TMPRSS11D: variants seen among roughly 807,000 people sequenced by gnomAD.
TMPRSS11D encodes the protein transmembrane protease serine 11D.
Under a neutral mutation model 44.4 loss-of-function variants are expected in TMPRSS11D, and 32 were observed. The observed-to-expected ratio is 0.72, with a 90% CI of 0.54 to 0.97. The LOEUF (loss-of-function observed/expected upper bound fraction) is 0.97, where lower values mean the gene tolerates loss of function less well. Ranked by LOEUF, TMPRSS11D falls within the 50% of genes least tolerant of loss-of-function variation. TMPRSS11D has a pLI of 0.00. For synonymous variants in TMPRSS11D, 179 were observed against 177.9 expected, an observed-to-expected ratio of 1.01 and a Z score of -0.05; for missense variants, 446 against 502.6, an observed-to-expected ratio of 0.89 and a Z score of 1.08.
At position 67,834,870 on chromosome 4, in the gene TMPRSS11D, T is replaced by G. The variant is rs539179352; in HGVS notation, c.514+213A>C. ...AGAGTGGGTAGTCCTCCACTACAAC[T>G]TCTTCCTTTTTCTAAAAGGAAAGGG... On this transcript the variant is annotated intron_variant, in intron 6 of 9. Coordinates refer to ENST00000283916, the MANE Select transcript of TMPRSS11D (RefSeq NM_004262.3). Among the ~76,000 whole-genome samples, 7 of 152,222 alleles carry G rather than the reference T, an allele frequency of 4.6e-5. No individual in the cohort carries two copies. In the South Asian group the frequency reaches 1.4e-3, roughly 32 times the overall value.
intron 1 of TMPRSS11D, among the ~76,000 whole-genome samples, chr4:67,870,362 C>A (rs1196757855): frequency 6.6e-6 from 1 of 152,190 alleles, no homozygotes; most frequent in Non-Finnish European, 1.5e-5. Context: ...GCTCCTCAAG[C>A]ACAATAGGCC....
At chr4:67,835,426 T>C (rs1377179713) in intron 5 of TMPRSS11D, among the ~76,000 whole-genome samples, 1 of 152,152 alleles carries the variant, frequency 6.6e-6, no homozygotes, top group Non-Finnish European at 1.5e-5. Context: ...TTACTCAATT[T>C]ATATGGGAAA....
chr4:67,827,411 T>C lies in TMPRSS11D; in HGVS notation c.802A>G (p.Thr268Ala). 6.2e-7 allele frequency: 1 copy of C among 1,613,244 alleles called. No individual in the cohort carries two copies. The highest frequency in any genetic ancestry group is 8.5e-7 in the Non-Finnish European group (1 of 1,179,554). Residue 268 changes from threonine (T) to alanine (A), a missense_variant, in exon 8 of 10, where the codon ACT (threonine) becomes GCT (alanine). By Grantham distance (58) the Thr-to-Ala change is moderately conservative (BLOSUM62 0). Coordinates refer to ENST00000283916, the MANE Select transcript of TMPRSS11D (RefSeq NM_004262.3). ...ACAAGTGCAATGTCATTTTCATGAG[T>C]TGCAGATTTATAATTGTTATGAATT... The part of the protein sequence containing the change: ...ILIHNNYKSA[T>A]HENDIALVRL...
chr4:67,825,668 A>G (rs887913766), intron 9 of TMPRSS11D, 64 bp downstream of exon 9: 1 of 1,552,334 alleles, frequency 6.4e-7, no homozygotes, highest in Admixed American at 1.8e-5. Flanking sequence ...TCACATTATC[A>G]CATACTAGGA....
At position 67,863,485 on chromosome 4, in the gene TMPRSS11D, T is replaced by C. The variant is rs753694404; in HGVS notation, c.9-3807A>G. On this transcript the variant is annotated intron_variant, in intron 1 of 9. Coordinates refer to ENST00000283916, the MANE Select transcript of TMPRSS11D (RefSeq NM_004262.3). ...TAAAACATGATCATTTCTTATTTAT[T>C]TAAAATTTCCTTTGTTCTGATATCA... Among the ~76,000 whole-genome samples, 277 of 152,232 alleles carry C rather than the reference T, an allele frequency of 1.8e-3. 5 individuals are homozygous for C. Among genetic ancestry groups the C allele is most frequent in the Non-Finnish European group, 1.3e-3 (88 of 67,980 alleles).
chr4:67,873,670 A>G (rs1469972840), intron 1 of TMPRSS11D, among the ~76,000 whole-genome samples: 2 of 152,156 alleles, frequency 1.3e-5, no homozygotes, highest in African/African-American at 2.4e-5. Context: ...CAAATTTTAA[A>G]TTAGTTAATC....
At chr4:67,868,063 TAA>T (rs1213563662) in intron 1 of TMPRSS11D, among the ~76,000 whole-genome samples, 5 of 151,752 alleles carry the variant, frequency 3.3e-5, no homozygotes, top group Non-Finnish European at 4.4e-5. Context: ...GTATTAAACC[TAA>T]GTGTCTATCA....
At chr4:67,864,270 A>T (rs1295543198) in intron 1 of TMPRSS11D, among the ~76,000 whole-genome samples, 1 of 152,024 alleles carries the variant, frequency 6.6e-6, no homozygotes, top group Non-Finnish European at 1.5e-5. Flanking sequence ...AGTAAAGAAG[A>T]GGAATGTGTT....
intron 1 of TMPRSS11D, among the ~76,000 whole-genome samples, chr4:67,878,452 A>G (rs1211719205): frequency 6.6e-6 from 1 of 152,134 alleles, no homozygotes; most frequent in Non-Finnish European, 1.5e-5. Context: ...ACTTTTCTTC[A>G]TAGCACCACA....
chr4:67,836,137 C>G (rs1718081599), intron 5 of TMPRSS11D, among the ~76,000 whole-genome samples: 1 of 152,040 alleles, frequency 6.6e-6, no homozygotes, highest in South Asian at 2.1e-4. Context: ...CACATCTGTC[C>G]TCTATCTTTT....
chr4:67,839,253 G>C (rs975067906), intron 4 of TMPRSS11D, among the ~76,000 whole-genome samples: 5 of 152,108 alleles, frequency 3.3e-5, no homozygotes, highest in Admixed American at 2.0e-4. Context: ...CTGGGACTAA[G>C]ATTCACAGTT....
At chr4:67,873,210 CA>C (rs1419540037) in intron 1 of TMPRSS11D, among the ~76,000 whole-genome samples, 2 of 152,102 alleles carry the variant, frequency 1.3e-5, no homozygotes, top group Non-Finnish European at 2.9e-5. Context: ...CCAAACTTAC[CA>C]AAACACAGAA....
intron 1 of TMPRSS11D, among the ~76,000 whole-genome samples, chr4:67,874,126 C>T (rs573711699): frequency 8.5e-5 from 13 of 152,234 alleles, no homozygotes; most frequent in African/African-American, 2.4e-4. Context: ...AGTACAGTAA[C>T]GTGCTATACA....
chr4:67,873,709 C>T, intron 1 of TMPRSS11D, among the ~76,000 whole-genome samples: 1 of 152,136 alleles, frequency 6.6e-6, no homozygotes, highest in Non-Finnish European at 1.5e-5. Context: ...GCGTTTCCAA[C>T]AAGCTCCCAG....
intron 5 of TMPRSS11D, 76 bp downstream of exon 5, chr4:67,838,096 A>G (rs761020657): frequency 2.4e-6 from 3 of 1,266,128 alleles, no homozygotes; most frequent in Non-Finnish European, 3.1e-6. Context: ...TCAGCCTCTC[A>G]ATTAAAATAT....
At chr4:67,859,272 T>G (rs1393902334) in intron 2 of TMPRSS11D, among the ~76,000 whole-genome samples, 2 of 151,160 alleles carry the variant, frequency 1.3e-5, no homozygotes, top group African/African-American at 4.9e-5. Flanking sequence ...TTATTGAGAG[T>G]TTTTTTTTCC....
intron 4 of TMPRSS11D, among the ~76,000 whole-genome samples, chr4:67,841,281 A>T (rs1718222903): frequency 6.6e-6 from 1 of 152,186 alleles, no homozygotes; most frequent in Non-Finnish European, 1.5e-5. Context: ...CCTAGAGCAC[A>T]GCCTGATGTT....
At chr4:67,827,617 C>G in intron 7 of TMPRSS11D, 97 bp from the exon 8 acceptor site, 1 of 1,299,798 alleles carries the variant, frequency 7.7e-7, no homozygotes, top group South Asian at 1.7e-5. Flanking sequence ...TATCTAGAAA[C>G]TATTGGATCC....
At chr4:67,846,724 A>T (rs1456510200) in intron 3 of TMPRSS11D, among the ~76,000 whole-genome samples, 1 of 152,170 alleles carries the variant, frequency 6.6e-6, no homozygotes, top group Admixed American at 6.5e-5. Context: ...AATCTATTAA[A>T]CATTATAGTT....
Sources: allele counts gnomAD v4.1 joint callset (sites outside exome capture counted in the v4.1 genomes callset), GRCh38; gene constraint gnomAD v4.1.1; transcripts MANE v1.5; gene names NCBI Gene and HGNC (gene_info 2026-07-23, HGNC 2026-07-21).